EVI5: variants seen among roughly 807,000 people sequenced by gnomAD.
EVI5 encodes the protein ecotropic viral integration site 5 protein homolog.
EVI5 carries 73 observed loss-of-function variants against 112.0 expected under a neutral mutation model. The observed-to-expected ratio is 0.65, with a 90% CI of 0.54 to 0.79. EVI5 has a LOEUF of 0.79. EVI5 is among the 30% of genes least tolerant of loss of function. The pLI is 0.00. For missense variants in EVI5, 900 were observed against 968.8 expected, an observed-to-expected ratio of 0.93 and a Z score of 0.94; for synonymous variants, 305 against 319.9, an observed-to-expected ratio of 0.95 and a Z score of 0.50.
At chr1:92,571,639 G>A (rs1046121452) in intron 18 of EVI5, among the ~76,000 whole-genome samples, 2 of 152,062 alleles carry the variant, frequency 1.3e-5, no homozygotes, top group Admixed American at 6.5e-5. Context: ...TATATTCTAA[G>A]TGGGTATCAA....
chr1:92,570,331 G>C (rs1235732741), intron 18 of EVI5, among the ~76,000 whole-genome samples: 1 of 151,962 alleles, frequency 6.6e-6, no homozygotes, highest in Non-Finnish European at 1.5e-5. Context: ...GCGAGGGCAG[G>C]GGGGGCCTAA....
intron 19 of EVI5, among the ~76,000 whole-genome samples, chr1:92,545,608 C>A (rs1051187927): frequency 6.6e-6 from 1 of 152,082 alleles, no homozygotes; most frequent in Non-Finnish European, 1.5e-5. Flanking sequence ...CCAGAAGTAA[C>A]ACAATCCCAA....
chr1:92,566,359 T>C lies in EVI5; in HGVS notation c.2071-2622A>G, dbSNP rs1239567568. Among the ~76,000 whole-genome samples, 3 of 152,146 alleles carry C rather than the reference T, an allele frequency of 2.0e-5. No homozygotes were observed. In the East Asian group the frequency reaches 5.8e-4, roughly 29 times the overall value. On this transcript the variant is annotated intron_variant, in intron 18 of 19. Transcript: ENST00000684568. ...AATACATGATGATGGTCCCATAAGA[T>C]TATAATAAGAAATTCGTAATGCCTA... is the stretch of plus-strand genomic sequence containing the variant.
chr1:92,627,494 T>A (rs923368471), intron 14 of EVI5, among the ~76,000 whole-genome samples: 1 of 152,256 alleles, frequency 6.6e-6, no homozygotes, highest in Non-Finnish European at 1.5e-5. Flanking sequence ...TGTGCAAGTA[T>A]CTTTTTCAAA....
chr1:92,782,480 C>T (rs915164409), intron 1 of EVI5, among the ~76,000 whole-genome samples: 1 of 152,134 alleles, frequency 6.6e-6, no homozygotes, highest in Non-Finnish European at 1.5e-5. Context: ...ACAGGCACTT[C>T]ACAAGAGGAA....
intron 19 of EVI5, among the ~76,000 whole-genome samples, chr1:92,542,086 C>T (rs930110830): frequency 3.3e-5 from 5 of 152,164 alleles, no homozygotes; most frequent in Admixed American, 3.3e-4. Flanking sequence ...TTCTCTGTAG[C>T]ATTAGATGCT....
chr1:92,543,741 C>G (rs1207318285), intron 19 of EVI5, among the ~76,000 whole-genome samples: 6 of 152,252 alleles, frequency 3.9e-5, no homozygotes, highest in African/African-American at 1.4e-4. Flanking sequence ...GATCACAGAT[C>G]ACCAGAAGGT....
At chr1:92,785,110 A>C (rs765373883), upstream of EVI5, 4 of 985,232 alleles carry the variant, frequency 4.1e-6, no homozygotes, top group Non-Finnish European at 4.8e-6. Context: ...GGAGAGCCCA[A>C]GGCGCAGGCG....
At chr1:92,584,039 T>C (rs1672388238) in intron 18 of EVI5, among the ~76,000 whole-genome samples, 2 of 152,250 alleles carry the variant, frequency 1.3e-5, no homozygotes, top group South Asian at 4.1e-4. Context: ...AGGTTTGTGG[T>C]ATTAGAAGGG....
chr1:92,767,213 C>T (rs1682771502), intron 1 of EVI5, among the ~76,000 whole-genome samples: 1 of 152,068 alleles, frequency 6.6e-6, no homozygotes, highest in Non-Finnish European at 1.5e-5. Context: ...CTGTTAGTTA[C>T]TTAGTATGCA....
At chr1:92,765,435 T>C (rs907238510) in intron 1 of EVI5, among the ~76,000 whole-genome samples, 4 of 151,306 alleles carry the variant, frequency 2.6e-5, no homozygotes, top group African/African-American at 9.7e-5. Flanking sequence ...CCAAAACATA[T>C]AGCAAGTACT....
intron 2 of EVI5, among the ~76,000 whole-genome samples, chr1:92,718,561 A>G (rs990995664): frequency 1.1e-4 from 16 of 152,246 alleles, no homozygotes; most frequent in Admixed American, 1.3e-4. Context: ...AGGGAAATTT[A>G]TAGCACTAAA....
intron 18 of EVI5, among the ~76,000 whole-genome samples, chr1:92,576,045 T>C (rs1298954560): frequency 6.6e-6 from 1 of 152,136 alleles, no homozygotes; most frequent in Non-Finnish European, 1.5e-5. Flanking sequence ...ACTAATACAA[T>C]GCATATTTAA....
chr1:92,768,528 CT>C (rs1282580283), intron 1 of EVI5, among the ~76,000 whole-genome samples: 1 of 152,164 alleles, frequency 6.6e-6, no homozygotes, highest in African/African-American at 2.4e-5. Context: ...TGATTGCTCC[CT>C]TCTTCCCAGT....
intron 17 of EVI5, among the ~76,000 whole-genome samples, chr1:92,605,909 C>T (rs933713526): frequency 5.9e-5 from 9 of 152,130 alleles, no homozygotes; most frequent in African/African-American, 7.2e-5. Flanking sequence ...ACATAATTCA[C>T]GGACTGGCTT....
rs146190930 is a variant in EVI5, at chr1:92,764,040, A to G, written c.-82+20796T>C. On this transcript the variant is annotated intron_variant, in intron 1 of 19. Transcript: ENST00000684568. ...GGCTTAAGTTTAAAAAAAAATCTAA[A>G]TATAAAATGTCAGGTTTGTGGTTAA... 1.1e-3 allele frequency among the ~76,000 whole-genome samples: 165 copies of G among 152,288 alleles called. 1 individual carries two copies. Among genetic ancestry groups the G allele is most frequent in the African/African-American group, 3.7e-3 (152 of 41,562 alleles).
intron 18 of EVI5, among the ~76,000 whole-genome samples, chr1:92,586,641 T>TGTGTGTGTGC (rs1461051697): frequency 6.9e-6 from 1 of 144,214 alleles, no homozygotes; most frequent in African/African-American, 2.6e-5. Context: ...TGTGTGTGTG[T>TGTGTGTGTGC]GCATTTTGAG....
intron 2 of EVI5, among the ~76,000 whole-genome samples, chr1:92,730,844 A>C (rs1257728459): frequency 2.2e-4 from 34 of 152,342 alleles, no homozygotes; most frequent in Non-Finnish European, 5.9e-5. Context: ...GTTCCCAGTT[A>C]GTAGCAATGG....
intron 2 of EVI5, among the ~76,000 whole-genome samples, chr1:92,705,907 T>C (rs1479859449): frequency 6.6e-6 from 1 of 152,240 alleles, no homozygotes. Flanking sequence ...GAGAGCCAGA[T>C]TTATATGCTA....
Sources: allele counts gnomAD v4.1 joint callset (sites outside exome capture counted in the v4.1 genomes callset), GRCh38; gene constraint gnomAD v4.1.1; transcripts MANE v1.5; gene names NCBI Gene and HGNC (gene_info 2026-07-23, HGNC 2026-07-21).